TENM3: variants seen among roughly 807,000 people sequenced by gnomAD.
The protein encoded by TENM3 is teneurin-3.
A neutral mutation model predicts 255.1 loss-of-function variants in TENM3; 63 were observed. The observed-to-expected ratio is 0.25, with a 90% confidence interval of 0.20 to 0.30. The LOEUF is 0.30. TENM3 is among the 10% of genes least tolerant of loss of function. TENM3 has a pLI of 1.00. For synonymous variants in TENM3, 1,306 were observed against 1,322.3 expected, an observed-to-expected ratio of 0.99 and a Z score of 0.27; for missense variants, 2,929 against 3,461.1, an observed-to-expected ratio of 0.85 and a Z score of 3.86.
At chr4:181,742,597 T>A in the TENM3 span, among the ~76,000 whole-genome samples, 11 of 152,164 alleles carry the variant, frequency 7.2e-5, no homozygotes, top group Non-Finnish European at 1.3e-4. Context: ...ATGTGTGGTA[T>A]GGTGATAAGT....
At chr4:182,287,419 T>G (rs1760800639) in intron 1 of TENM3, among the ~76,000 whole-genome samples, 1 of 152,154 alleles carries the variant, frequency 6.6e-6, no homozygotes, top group South Asian at 2.1e-4. Context: ...TTCCTTCCGC[T>G]TGAAATGCCC....
the TENM3 span, among the ~76,000 whole-genome samples, chr4:182,116,573 G>T: frequency 3.9e-5 from 6 of 152,222 alleles, no homozygotes; most frequent in East Asian, 1.2e-3. Context: ...CCTGTGAAGA[G>T]GTGTCTTCCA....
At chr4:182,494,351 G>A (rs754907541) in intron 3 of TENM3, among the ~76,000 whole-genome samples, 1 of 152,078 alleles carries the variant, frequency 6.6e-6, no homozygotes, top group Non-Finnish European at 1.5e-5. Flanking sequence ...AGTACAGTGA[G>A]GTACTTTGTG....
chr4:181,582,862 T>A, the TENM3 span, among the ~76,000 whole-genome samples: 1 of 151,982 alleles, frequency 6.6e-6, no homozygotes, highest in African/African-American at 2.4e-5. Flanking sequence ...GGATGTAAGG[T>A]AGGAAGGATG....
chr4:182,438,741 T>C (rs1293706024), intron 3 of TENM3, among the ~76,000 whole-genome samples: 6 of 152,192 alleles, frequency 3.9e-5, no homozygotes, highest in African/African-American at 1.2e-4. Context: ...GACTCTGTAG[T>C]TAAGGTGACA....
the TENM3 span, among the ~76,000 whole-genome samples, chr4:181,497,560 A>C: frequency 6.6e-6 from 1 of 152,196 alleles, no homozygotes; most frequent in African/African-American, 2.4e-5. Flanking sequence ...TAAAGTGATC[A>C]TGAGGCCCAG....
chr4:181,689,043 C>T, the TENM3 span, among the ~76,000 whole-genome samples: 1 of 152,170 alleles, frequency 6.6e-6, no homozygotes, highest in Non-Finnish European at 1.5e-5. Context: ...TCTTTACATC[C>T]ACATGTATAG....
chr4:181,698,066 T>G, the TENM3 span, among the ~76,000 whole-genome samples: 1 of 151,752 alleles, frequency 6.6e-6, no homozygotes, highest in African/African-American at 2.4e-5. Flanking sequence ...TACAAAAAAT[T>G]AGCTGGGTGT....
the TENM3 span, among the ~76,000 whole-genome samples, chr4:181,998,999 A>G: frequency 5.9e-5 from 9 of 152,300 alleles, no homozygotes; most frequent in South Asian, 1.0e-3. Flanking sequence ...GAAATACTAC[A>G]TGTAAAGCAG....
intron 6 of TENM3, among the ~76,000 whole-genome samples, 188 bp downstream of exon 6, chr4:182,654,081 A>G (rs1753555813): frequency 6.6e-6 from 1 of 152,168 alleles, no homozygotes; most frequent in Admixed American, 6.5e-5. Context: ...TTTTTATTAC[A>G]GGAATAATAT....
At chr4:182,169,284 G>T (rs1418043281) in intron 1 of TENM3, 1 of 479,718 alleles carries the variant, frequency 2.1e-6, no homozygotes, top group East Asian at 6.4e-5. Context: ...TTGGGGTATA[G>T]CATTTCAGAA....
the TENM3 span, among the ~76,000 whole-genome samples, chr4:181,779,735 C>A: frequency 1.7e-4 from 26 of 151,976 alleles, no homozygotes; most frequent in Middle Eastern, 3.4e-3. Context: ...TGTGCTGCAC[C>A]CATTAACTCG....
At chr4:182,010,780 G>C in the TENM3 span, among the ~76,000 whole-genome samples, 1 of 152,118 alleles carries the variant, frequency 6.6e-6, no homozygotes, top group Non-Finnish European at 1.5e-5. Flanking sequence ...AACCTTAAAA[G>C]TTTCCTTAGC....
chr4:181,795,432 C>T, the TENM3 span, among the ~76,000 whole-genome samples: 1 of 152,046 alleles, frequency 6.6e-6, no homozygotes, highest in Admixed American at 6.6e-5. Flanking sequence ...CTAATTACTC[C>T]CCAAAGGCCC....
At position 182,681,910 on chromosome 4, in the gene TENM3, T is replaced by C; in HGVS notation, c.1931T>C (p.Leu644Pro). ...TGGGGAGGTAGCAATTGTGAAATACTGAAGACCATGTGTCCAGACCAGTGC... is the reference window on the plus strand; with the variant it reads ...TGGGGAGGTAGCAATTGTGAAATACCGAAGACCATGTGTCCAGACCAGTGC... ...PGWGGSNCEI[L>P]KTMCPDQCSG... Residue 644 changes from leucine to proline, a missense_variant, in exon 11 of 28, where the codon CTG (leucine) becomes CCG (proline). Leu to Pro is a moderately conservative substitution (Grantham distance 98). Coordinates refer to ENST00000511685, the MANE Select transcript of TENM3 (RefSeq NM_001080477.4). 1.2e-6 allele frequency: 2 copies of C among 1,614,008 alleles called. No individual in the cohort carries two copies. Among genetic ancestry groups the C allele is most frequent in the East Asian group, 2.2e-5 (1 of 44,882 alleles).
chr4:182,331,800 A>T (rs892547878), intron 2 of TENM3, among the ~76,000 whole-genome samples: 4 of 152,056 alleles, frequency 2.6e-5, no homozygotes, highest in Non-Finnish European at 5.9e-5. Context: ...CATACTGTGC[A>T]GAAGAAGAAC....
At chr4:182,520,774 C>T (rs967978918) in intron 3 of TENM3, among the ~76,000 whole-genome samples, 1 of 152,148 alleles carries the variant, frequency 6.6e-6, no homozygotes, top group Admixed American at 6.5e-5. Flanking sequence ...AGTTTTATAA[C>T]AAAATGGCTT....
At chr4:182,224,780 T>G (rs1756043211) in intron 1 of TENM3, among the ~76,000 whole-genome samples, 1 of 150,402 alleles carries the variant, frequency 6.6e-6, no homozygotes. Flanking sequence ...TCTATCACCC[T>G]GGCTGGAGTG....
intron 3 of TENM3, among the ~76,000 whole-genome samples, chr4:182,477,370 C>T (rs1733774415): frequency 6.6e-6 from 1 of 152,170 alleles, no homozygotes; most frequent in African/African-American, 2.4e-5. Flanking sequence ...CAGCGTTCCA[C>T]CTTCATTGAG....
Sources: gnomAD v4.1 joint callset for allele counts (sites outside exome capture counted in the v4.1 genomes callset) on GRCh38, gnomAD v4.1.1 for gene constraint, MANE v1.5 for transcripts, NCBI Gene and HGNC (gene_info 2026-07-23, HGNC 2026-07-21) for gene names.